FBXW7: variants seen among roughly 807,000 people sequenced by gnomAD.
The protein encoded by FBXW7 is F-box/WD repeat-containing protein 7.
In FBXW7, 11 loss-of-function variants were observed where a neutral mutation model predicts 86.3. The observed-to-expected ratio is 0.13, with a 90% CI of 0.08 to 0.21. The LOEUF is 0.21. FBXW7 is among the 10% of genes least tolerant of loss of function. The probability of loss-of-function intolerance (pLI) is 1.00; values close to 1 mark genes in which losing one functional copy is unlikely to be tolerated. For missense variants in FBXW7, 488 were observed against 847.4 expected (o/e 0.58, Z 5.27); for synonymous variants, 313 against 297.9 (o/e 1.05, Z -0.52).
At chr4:152,355,225 G>A (rs894327148) in intron 4 of FBXW7, among the ~76,000 whole-genome samples, 4 of 151,828 alleles carry the variant, frequency 2.6e-5, no homozygotes, top group East Asian at 3.9e-4. Flanking sequence ...TATACCACTC[G>A]GCTAAAATAT....
chr4:152,357,196 T>A (rs935792606), intron 4 of FBXW7, among the ~76,000 whole-genome samples: 1 of 152,114 alleles, frequency 6.6e-6, no homozygotes, highest in Admixed American at 6.6e-5. Context: ...TTAAACTTAT[T>A]TTTTGGGGGG....
chr4:152,376,823 ATCATCCCTCAGT>A (rs1734570728), intron 4 of FBXW7, among the ~76,000 whole-genome samples: 1 of 152,126 alleles, frequency 6.6e-6, no homozygotes, highest in African/African-American at 2.4e-5. Context: ...ACCCTGAAGT[ATCATCCCTCAGT>A]TTACAAAAAG....
intron 10 of FBXW7, 151 bp from the exon 11 acceptor site, chr4:152,328,540 A>C: frequency 2.0e-6 from 1 of 491,432 alleles, no homozygotes. Context: ...TGATCCCATC[A>C]CTATTTATTG....
At position 152,322,909 on chromosome 4, in the gene FBXW7, A is replaced by G; in HGVS notation, c.2096T>C (p.Val699Ala). 1 of 1,613,690 alleles carries G rather than the reference A, an allele frequency of 6.2e-7. No individual in the cohort carries two copies. The highest frequency in any genetic ancestry group is 8.5e-7 in the Non-Finnish European group (1 of 1,179,750). ...RNGTEETKLL[V>A]LDFDVDMK The stretch of plus-strand genomic sequence containing the variant: ...CTTCATGTCCACATCAAAGTCCAGC[A>G]CCAGCAGCTTGGTTTCTTCAGTCCC... The change falls in exon 14 of 14, where the codon GTG becomes GCG. Residue 699 changes from valine (V) to alanine (A), a missense_variant. Transcript: ENST00000281708.
chr4:152,502,705 T>C (rs1340129751), intron 2 of FBXW7, among the ~76,000 whole-genome samples: 1 of 151,794 alleles, frequency 6.6e-6, no homozygotes, highest in Non-Finnish European at 1.5e-5. Flanking sequence ...ACCAGAACAG[T>C]AAAGTAAAAA....
chr4:152,362,834 A>C (rs1733107018), intron 4 of FBXW7, among the ~76,000 whole-genome samples: 1 of 151,300 alleles, frequency 6.6e-6, no homozygotes, highest in African/African-American at 2.4e-5. Flanking sequence ...CTCTCAAAAA[A>C]AAAAAAAAAA....
At chr4:152,414,338 T>A (rs1325007295) in intron 2 of FBXW7, among the ~76,000 whole-genome samples, 1 of 152,050 alleles carries the variant, frequency 6.6e-6, no homozygotes. Flanking sequence ...AAATGCTTTT[T>A]CCTCATGGAC....
intron 2 of FBXW7, among the ~76,000 whole-genome samples, chr4:152,468,249 T>A (rs115235294): frequency 1.1e-4 from 17 of 152,174 alleles, no homozygotes; most frequent in Non-Finnish European, 2.1e-4. Flanking sequence ...TACACACAGG[T>A]ACTATATTAT....
At position 152,330,861 on chromosome 4, in the gene FBXW7, A is replaced by C. The variant is rs1183122092; in HGVS notation, c.993T>G (p.Asp331Glu). 6.2e-7 allele frequency: 1 copy of C among 1,611,422 alleles called. No homozygotes were observed. The highest frequency in any genetic ancestry group is 2.2e-5 in the East Asian group (1 of 44,750). The change falls in exon 9 of 14, where the codon GAT (aspartate) becomes GAG (glutamate). Residue 331 changes from aspartate (D) to glutamate (E), a missense_variant. By Grantham distance (45) the Asp-to-Glu change is conservative (BLOSUM62 2). Around this residue, in one of 4 missense-constraint regions of FBXW7, gnomAD observed 57 missense variants for 62.8 expected, o/e 0.91. Coordinates refer to ENST00000281708, the MANE Select transcript of FBXW7 (RefSeq NM_001349798.2). ...TTCTTCTCTTGATGTGCAATGGTTC[A>C]TCAATCCCTAAAGTGTTACAGTTCA... The part of the protein sequence containing the change: ...WREKCKEEGI[D>E]EPLHIKRRKV...
intron 2 of FBXW7, among the ~76,000 whole-genome samples, chr4:152,469,689 C>G (rs577261460): frequency 6.6e-6 from 1 of 152,078 alleles, no homozygotes; most frequent in Non-Finnish European, 1.5e-5. Context: ...TTCCTGCTCA[C>G]TAAAACCATT....
At chr4:152,527,865 TACACACACACACAC>T (rs149379203) in intron 2 of FBXW7, among the ~76,000 whole-genome samples, 26 of 137,392 alleles carry the variant, frequency 1.9e-4, no homozygotes, top group African/African-American at 6.5e-4. Flanking sequence ...AAAAATTATA[TACACACACACACAC>T]ACACACACAC....
intron 4 of FBXW7, among the ~76,000 whole-genome samples, chr4:152,381,076 G>A (rs1735019475): frequency 6.6e-6 from 1 of 152,052 alleles, no homozygotes; most frequent in African/African-American, 2.4e-5. Context: ...TGTTTAAACT[G>A]TATTACATTT....
chr4:152,516,078 A>G (rs1001119889), intron 2 of FBXW7, among the ~76,000 whole-genome samples: 2 of 152,306 alleles, frequency 1.3e-5, no homozygotes, highest in Non-Finnish European at 2.9e-5. Context: ...CTCAGAAGAG[A>G]TAGGAGCCCC....
intron 2 of FBXW7, among the ~76,000 whole-genome samples, chr4:152,491,862 A>G (rs1478221814): frequency 1.3e-5 from 2 of 152,154 alleles, no homozygotes; most frequent in Non-Finnish European, 2.9e-5. Flanking sequence ...CACCTAACTC[A>G]ATTATTTCTA....
chr4:152,488,739 A>G (rs891276320), intron 2 of FBXW7, among the ~76,000 whole-genome samples: 12 of 152,096 alleles, frequency 7.9e-5, no homozygotes, highest in African/African-American at 2.7e-4. Flanking sequence ...TTCCCATAAA[A>G]ACCAATCTGT....
intron 2 of FBXW7, among the ~76,000 whole-genome samples, chr4:152,471,497 G>A (rs1413432923): frequency 3.0e-5 from 3 of 99,010 alleles, no homozygotes; most frequent in East Asian, 3.5e-4. Context: ...AAGGGGGAGG[G>A]AAGGGGAAGG....
chr4:152,406,476 C>A (rs547280581), intron 4 of FBXW7, among the ~76,000 whole-genome samples: 2 of 152,050 alleles, frequency 1.3e-5, no homozygotes, highest in African/African-American at 4.8e-5. Flanking sequence ...AGTTTATCAC[C>A]AACATTTAGA....
chr4:152,434,570 A>G (rs1465050806), intron 2 of FBXW7, among the ~76,000 whole-genome samples: 1 of 152,110 alleles, frequency 6.6e-6, no homozygotes, highest in Non-Finnish European at 1.5e-5. Context: ...ATGTTCCACC[A>G]CTATTTACTG....
At chr4:152,465,568 G>C (rs754387688) in intron 2 of FBXW7, among the ~76,000 whole-genome samples, 1 of 152,044 alleles carries the variant, frequency 6.6e-6, no homozygotes, top group Admixed American at 6.5e-5. Flanking sequence ...CATCTGGCCA[G>C]GCGCGGTGGC....
Sources: gnomAD v4.1 joint callset for allele counts (sites outside exome capture counted in the v4.1 genomes callset) on GRCh38, gnomAD v4.1.1 for gene constraint, gnomAD v4.1.1 regional missense constraint, MANE v1.5 for transcripts, NCBI Gene and HGNC (gene_info 2026-07-23, HGNC 2026-07-21) for gene names.